ERP44: variants seen among roughly 807,000 people sequenced by gnomAD.
The protein encoded by ERP44 is endoplasmic reticulum resident protein 44.
In ERP44, 25 loss-of-function variants were observed where a neutral mutation model predicts 53.4. The observed-to-expected ratio is 0.47, with a 90% CI of 0.34 to 0.65. ERP44 has a LOEUF of 0.65. Among genes scored for constraint, ERP44 ranks in the 30% least tolerant of loss-of-function variants. The pLI, the probability that ERP44 is intolerant of heterozygous loss-of-function variation, is 0.01. For synonymous variants in ERP44, 145 were observed against 161.2 expected, an observed-to-expected ratio of 0.90 and a Z score of 0.76; for missense variants, 338 against 493.2, an observed-to-expected ratio of 0.69 and a Z score of 2.98.
At chr9:100,047,607 C>T (rs190161543) in intron 4 of ERP44, among the ~76,000 whole-genome samples, 1 of 152,260 alleles carries the variant, frequency 6.6e-6, no homozygotes, top group Non-Finnish European at 1.5e-5. Context: ...CACTCTTAAA[C>T]TCTCTAAACA....
At chr9:99,989,247 C>T (rs1280827702) in intron 10 of ERP44, among the ~76,000 whole-genome samples, 1 of 152,174 alleles carries the variant, frequency 6.6e-6, no homozygotes, top group African/African-American at 2.4e-5. Context: ...GGTCCCTGAC[C>T]CCCGTGTAGC....
At chr9:100,053,451 C>T (rs1370382046) in intron 3 of ERP44, among the ~76,000 whole-genome samples, 3 of 152,168 alleles carry the variant, frequency 2.0e-5, no homozygotes, top group Non-Finnish European at 4.4e-5. Context: ...CTCAGAAATA[C>T]ACCATTAGGC....
In ERP44 at chr9:99,979,895, G is replaced by T. The variant is rs1830130106; in HGVS notation, c.*2717C>A. On this transcript the variant is annotated 3_prime_UTR_variant, in exon 12 of 12. Transcript: ENST00000262455. Reference sequence around the variant, plus strand: ...CTTCCTTGCTTGCAATCTGTTGATGGATCTCTTCTGCCTACAATATATACT... The same window carrying T: ...CTTCCTTGCTTGCAATCTGTTGATGTATCTCTTCTGCCTACAATATATACT... 1 of 398,278 alleles carries T rather than the reference G, an allele frequency of 2.5e-6. No individual in the cohort carries two copies. Among genetic ancestry groups the T allele is most frequent in the African/African-American group, 2.1e-5 (1 of 48,604 alleles). 24.7% of individuals were successfully genotyped at this position (398,278 alleles called of 1,614,324 possible).
chr9:99,989,479 C>G (rs1302312304), intron 10 of ERP44, among the ~76,000 whole-genome samples: 4 of 152,182 alleles, frequency 2.6e-5, no homozygotes, highest in Non-Finnish European at 5.9e-5. Flanking sequence ...AACTAACAAA[C>G]AGAAAGGAAT....
chr9:99,986,916 T>C (rs938007837), intron 10 of ERP44, among the ~76,000 whole-genome samples: 2 of 152,206 alleles, frequency 1.3e-5, no homozygotes, highest in Non-Finnish European at 2.9e-5. Flanking sequence ...AATATATCCA[T>C]TCAATCCATA....
At chr9:100,010,789 T>C (rs1009902573) in intron 8 of ERP44, among the ~76,000 whole-genome samples, 2 of 151,154 alleles carry the variant, frequency 1.3e-5, no homozygotes, top group Admixed American at 1.3e-4. Flanking sequence ...TAATCCCAGC[T>C]ACTCAGGAGG....
At chr9:100,096,997 T>G (rs867164044) in intron 1 of ERP44, among the ~76,000 whole-genome samples, 1 of 152,200 alleles carries the variant, frequency 6.6e-6, no homozygotes, top group African/African-American at 2.4e-5. Context: ...GTATTCCAAT[T>G]AAATCTAGTT....
intron 4 of ERP44, among the ~76,000 whole-genome samples, chr9:100,048,401 C>A (rs1826000014): frequency 6.6e-6 from 1 of 151,916 alleles, no homozygotes; most frequent in African/African-American, 2.4e-5. Context: ...GAAACTGCAA[C>A]CCTTAGGTAC....
At chr9:100,076,009 G>T (rs1347594372) in intron 1 of ERP44, among the ~76,000 whole-genome samples, 1 of 152,186 alleles carries the variant, frequency 6.6e-6, no homozygotes, top group East Asian at 1.9e-4. Context: ...GGCCCCTATA[G>T]GTGAATCACA....
chr9:100,025,256 G>T (rs1396528055), intron 4 of ERP44, among the ~76,000 whole-genome samples: 1 of 152,034 alleles, frequency 6.6e-6, no homozygotes, highest in Non-Finnish European at 1.5e-5. Flanking sequence ...TACAAAAACA[G>T]GGAACACTTC....
chr9:100,065,326 AG>A (rs1490072182), intron 1 of ERP44, among the ~76,000 whole-genome samples: 1 of 152,204 alleles, frequency 6.6e-6, no homozygotes, highest in Non-Finnish European at 1.5e-5. Flanking sequence ...GATGTGTAGT[AG>A]GCTATACCAT....
At chr9:100,043,890 A>G (rs985841517) in intron 4 of ERP44, among the ~76,000 whole-genome samples, 1 of 152,212 alleles carries the variant, frequency 6.6e-6, no homozygotes, top group Non-Finnish European at 1.5e-5. Context: ...CTGTAGGGTG[A>G]CTGTAGTTAA....
intron 10 of ERP44, among the ~76,000 whole-genome samples, chr9:99,994,035 C>T (rs373707147): frequency 2.0e-5 from 3 of 152,262 alleles, no homozygotes; most frequent in East Asian, 1.9e-4. Context: ...GAAATAGGAA[C>T]GCTTTTACAC....
chr9:100,087,619 T>C (rs935114886), intron 1 of ERP44, among the ~76,000 whole-genome samples: 8 of 152,214 alleles, frequency 5.3e-5, no homozygotes, highest in Non-Finnish European at 8.8e-5. Context: ...CTATCTGATA[T>C]GTGAGAAAAT....
At chr9:100,093,099 C>G (rs1826579687) in intron 1 of ERP44, among the ~76,000 whole-genome samples, 1 of 152,076 alleles carries the variant, frequency 6.6e-6, no homozygotes, top group Admixed American at 6.5e-5. Context: ...AACCAGTAAC[C>G]AAAATGTCTT....
intron 3 of ERP44, among the ~76,000 whole-genome samples, chr9:100,053,458 A>T (rs1826057771): frequency 6.6e-6 from 1 of 152,202 alleles, no homozygotes; most frequent in Non-Finnish European, 1.5e-5. Flanking sequence ...ATACACCATT[A>T]GGCGATTTCT....
Position 100,098,962 on chromosome 9 carries a change from G to C in ERP44, c.-122C>G, listed in dbSNP as rs1826705585. 6.7e-6 allele frequency: 5 copies of C among 747,036 alleles called. No homozygotes were observed. The highest frequency in any genetic ancestry group is 4.8e-5 in the Admixed American group (2 of 41,266). The allele number at this position is 747,036 out of a possible 1,614,324, so 46.3% of individuals were successfully genotyped here. ...GCAGCGGAGGATTCTCCAGGCAGCG[G>C]CACCTCGTCCTCTCGACCCGGGCTC... On this transcript the variant is annotated 5_prime_UTR_variant, in exon 1 of 12. Coordinates refer to ENST00000262455, the MANE Select transcript of ERP44 (RefSeq NM_015051.3).
chr9:100,020,476 A>G, intron 6 of ERP44, 140 bp downstream of exon 6: 1 of 536,618 alleles, frequency 1.9e-6, no homozygotes, highest in Non-Finnish European at 3.3e-6. Flanking sequence ...ATTCAGAGAC[A>G]GGTATAAAGA....
At chr9:100,016,553 G>A in intron 7 of ERP44, 115 bp from the exon 8 acceptor site, 1 of 1,372,434 alleles carries the variant, frequency 7.3e-7, no homozygotes, top group Non-Finnish European at 9.5e-7. Flanking sequence ...CCAGGCTGGA[G>A]TACAGTGACA....
Sources: allele counts gnomAD v4.1 joint callset (sites outside exome capture counted in the v4.1 genomes callset), GRCh38; gene constraint gnomAD v4.1.1; transcripts MANE v1.5; gene names NCBI Gene and HGNC (gene_info 2026-07-23, HGNC 2026-07-21).